The following CCDC88C variants were observed in gnomAD, a reference collection of about 807,000 sequenced individuals.
CCDC88C encodes the protein coiled-coil and HOOK domain protein 88C.
In CCDC88C, 131 loss-of-function variants were observed where a neutral mutation model predicts 198.8. The observed-to-expected ratio is 0.66, with a 90% CI of 0.57 to 0.76. The LOEUF (loss-of-function observed/expected upper bound fraction) is 0.76. Ranked by LOEUF, CCDC88C falls within the 30% of genes least tolerant of loss-of-function variation. The pLI is 0.00. For missense variants in CCDC88C, 2,553 were observed against 2,631.6 expected, an observed-to-expected ratio of 0.97 and a Z score of 0.65; for synonymous variants, 1,166 against 1,114.7, an observed-to-expected ratio of 1.05 and a Z score of -0.92.
chr14:91,275,397 A>G (rs1248599184), intron 29 of CCDC88C, among the ~76,000 whole-genome samples: 1 of 152,208 alleles, frequency 6.6e-6, no homozygotes, highest in Non-Finnish European at 1.5e-5. Context: ...ATATAACAAA[A>G]AAAGACTGAG....
chr14:91,392,763 C>CTG (rs1270283093), intron 3 of CCDC88C, among the ~76,000 whole-genome samples: 40 of 151,326 alleles, frequency 2.6e-4, no homozygotes, highest in African/African-American at 4.9e-4. Context: ...CTCACTCTCA[C>CTG]CGCGCCCCTC....
rs752247270 is a variant in CCDC88C at position 91,279,260 on chromosome 14, G to A, written c.4746C>T (p.Asn1582=). ...SLESSRNTSS[N]SSPLNLKGSS... ...TACCTTTTAGGTTAAGAGGTGAGCTGTTGCTGGATGTGTTTCTACTGCTCT... is the reference window on the plus strand; with the variant it reads ...TACCTTTTAGGTTAAGAGGTGAGCTATTGCTGGATGTGTTTCTACTGCTCT... The change falls in exon 28 of 30, where the codon AAC becomes AAT. Residue 1582 remains asparagine, a synonymous_variant. Transcript: ENST00000389857. 8 of 1,601,462 alleles carry A rather than the reference G, an allele frequency of 5.0e-6. No homozygotes were observed. Among genetic ancestry groups the A allele is most frequent in the Non-Finnish European group, 6.8e-6 (8 of 1,173,054 alleles).
chr14:91,315,836 T>C (rs748716049), intron 13 of CCDC88C, 49 bp from the exon 14 acceptor site: 2 of 1,582,060 alleles, frequency 1.3e-6, no homozygotes, highest in Admixed American at 3.6e-5. Context: ...TCCTACGAAG[T>C]GAACCATGAT....
In CCDC88C at chr14:91,272,779, G is replaced by A. The variant is rs780317326; in HGVS notation, c.5933C>T (p.Pro1978Leu). 41 of 1,605,824 alleles carry A rather than the reference G, an allele frequency of 2.6e-5. No individual in the cohort carries two copies. Among genetic ancestry groups the A allele is most frequent in the South Asian group, 2.5e-4 (23 of 90,662 alleles). ...VPGQGCSEGL[P>L]AKSPGRSPDL... is the part of the protein sequence containing the mutation. ...GGGAGACCGACCTGGGCTCTTGGCCGGAAGCCCCTCACTGCAGCCCTGCCC... is the reference window on the plus strand; with the variant it reads ...GGGAGACCGACCTGGGCTCTTGGCCAGAAGCCCCTCACTGCAGCCCTGCCC... Residue 1978 changes from proline to leucine, a missense_variant, in exon 30 of 30, where the codon CCG (proline) becomes CTG (leucine). By Grantham distance (98) the Pro-to-Leu change is moderately conservative. Transcript: ENST00000389857.
At chr14:91,413,374 A>G (rs1395672140) in intron 2 of CCDC88C, among the ~76,000 whole-genome samples, 2 of 152,206 alleles carry the variant, frequency 1.3e-5, no homozygotes, top group African/African-American at 4.8e-5. Context: ...AGAGAGTTTC[A>G]GTCATTTGCC....
intron 3 of CCDC88C, among the ~76,000 whole-genome samples, chr14:91,367,658 G>A (rs1283302099): frequency 6.6e-6 from 1 of 152,154 alleles, no homozygotes; most frequent in African/African-American, 2.4e-5. Context: ...GACAAGTCTG[G>A]GAAGGCTTCC....
chr14:91,308,573 A>C, intron 16 of CCDC88C, 81 bp from the exon 17 acceptor site: 1 of 1,391,038 alleles, frequency 7.2e-7, no homozygotes. Context: ...CCAACACATC[A>C]CTCCTTCCAT....
At chr14:91,397,328 G>A (rs932823898) in intron 3 of CCDC88C, among the ~76,000 whole-genome samples, 9 of 152,282 alleles carry the variant, frequency 5.9e-5, no homozygotes, top group South Asian at 2.1e-4. Flanking sequence ...CCTCCTTCCC[G>A]CAAAGGCTGA....
At chr14:91,302,382 T>C (rs982659063) in intron 20 of CCDC88C, among the ~76,000 whole-genome samples, 3 of 152,226 alleles carry the variant, frequency 2.0e-5, no homozygotes, top group South Asian at 4.1e-4. Flanking sequence ...GTCTCTCTCA[T>C]GCATCAGATT....
intron 10 of CCDC88C, among the ~76,000 whole-genome samples, chr14:91,333,239 G>A (rs1229466977): frequency 6.6e-6 from 1 of 152,094 alleles, no homozygotes. Flanking sequence ...AATTCTCTTC[G>A]AAACATATAC....
At chr14:91,307,315 C>A in intron 17 of CCDC88C, 89 bp from the exon 18 acceptor site, 1 of 1,096,012 alleles carries the variant, frequency 9.1e-7, no homozygotes, top group Non-Finnish European at 1.4e-6. Flanking sequence ...ACCTGCACCA[C>A]ACCCTCCACA....
At chr14:91,368,223 A>G (rs968650840) in intron 3 of CCDC88C, among the ~76,000 whole-genome samples, 12 of 152,178 alleles carry the variant, frequency 7.9e-5, no homozygotes, top group Non-Finnish European at 1.5e-5. Context: ...TATCACTGCA[A>G]TGAGGGTGGT....
intron 20 of CCDC88C, 61 bp downstream of exon 20, chr14:91,303,640 G>T: frequency 1.4e-6 from 2 of 1,473,394 alleles, no homozygotes; most frequent in Non-Finnish European, 9.1e-7. Flanking sequence ...TTTCCCCCTG[G>T]GCCCAGCCTC....
At chr14:91,312,761 A>G (rs1047279222) in intron 15 of CCDC88C, among the ~76,000 whole-genome samples, 3 of 152,186 alleles carry the variant, frequency 2.0e-5, no homozygotes, top group African/African-American at 7.2e-5. Flanking sequence ...GAAATCTAAA[A>G]TAACAAAAAC....
chr14:91,290,996 T>G lies in CCDC88C; in HGVS notation c.4201A>C (p.Lys1401Gln). Residue 1401 changes from lysine (K) to glutamine (Q), a missense_variant and splice_region_variant, in exon 24 of 30, where the codon AAG (lysine) becomes CAG (glutamine). Physicochemically the swap from Lys to Gln is moderately conservative, Grantham distance 53. Coordinates refer to ENST00000389857, the MANE Select transcript of CCDC88C (RefSeq NM_001080414.4). Reference protein sequence around the residue: ...QYKFYDPPPKKKNHWIGAKAL... With the variant: ...QYKFYDPPPKQKNHWIGAKAL... The stretch of plus-strand genomic sequence containing the variant: ...GCCACTACACTTAAATCAACTCACT[T>G]CTTTGGAGGAGGATCATAGAACTTG... The G allele has an allele frequency of 1.3e-6, 2 of 1,566,916 alleles. No homozygotes were observed. The highest frequency in any genetic ancestry group is 1.7e-6 in the Non-Finnish European group (2 of 1,144,274).
intron 3 of CCDC88C, among the ~76,000 whole-genome samples, chr14:91,365,222 T>C (rs1464441520): frequency 1.3e-5 from 2 of 152,068 alleles, no homozygotes; most frequent in East Asian, 3.9e-4. Flanking sequence ...TGCTGGGGCT[T>C]CTGCCCTCCT....
rs368732091 is a variant in CCDC88C, at chr14:91,339,970, C to G, written c.538G>C (p.Val180Leu). Reference protein sequence around the residue: ...FDLQWLELPDVAPEELEALSR... With the variant: ...FDLQWLELPDLAPEELEALSR... ...AGGGCCTCCAGCTCCTCCGGAGCCACGTCGGGCAGCTCCAGCCACTGCAGG... is the reference window on the plus strand; with the variant it reads ...AGGGCCTCCAGCTCCTCCGGAGCCAGGTCGGGCAGCTCCAGCCACTGCAGG... Residue 180 changes from valine to leucine, a missense_variant, in exon 7 of 30, where the codon GTG (valine) becomes CTG (leucine). Transcript: ENST00000389857. The surrounding 1 kb of genome is among the most constrained non-coding windows in gnomAD (Gnocchi z 5.8). The G allele has an allele frequency of 1.2e-6, 2 of 1,603,590 alleles. No homozygotes were observed. The highest frequency in any genetic ancestry group is 1.7e-6 in the Non-Finnish European group (2 of 1,176,094).
At chr14:91,345,523 G>A (rs1187952988) in intron 4 of CCDC88C, among the ~76,000 whole-genome samples, 2 of 152,098 alleles carry the variant, frequency 1.3e-5, no homozygotes, top group East Asian at 3.8e-4. Flanking sequence ...ATGTTATAAA[G>A]AATATCATGG....
At chr14:91,410,993 G>C (rs534408767) in intron 2 of CCDC88C, among the ~76,000 whole-genome samples, 209 of 152,234 alleles carry the variant, frequency 1.4e-3, no homozygotes, top group Non-Finnish European at 2.6e-3. Flanking sequence ...AGAAGCCTCT[G>C]ACCATCCCTG....
Sources: gnomAD v4.1 joint callset for allele counts (sites outside exome capture counted in the v4.1 genomes callset) on GRCh38, gnomAD v4.1.1 for gene constraint, Gnocchi (gnomAD v3.1) non-coding constraint, MANE v1.5 for transcripts, NCBI Gene and HGNC (gene_info 2026-07-23, HGNC 2026-07-21) for gene names.